THUMPD3: variants seen among roughly 807,000 people sequenced by gnomAD.
THUMPD3 encodes the protein THUMP domain 3 tRNA guanosine methyltransferase, also known as tRNA (guanine(6)-N(2))-methyltransferase THUMP3.
A neutral mutation model predicts 54.5 loss-of-function variants in THUMPD3; 44 were observed. That is an observed-to-expected ratio of 0.81 (90% CI 0.63 to 1.04). The LOEUF (loss-of-function observed/expected upper bound fraction) is 1.04, where lower values mean the gene tolerates loss of function less well. Among genes scored for constraint, THUMPD3 ranks in the 50% least tolerant of loss-of-function variants. The pLI is 0.00. For missense variants in THUMPD3, 604 were observed against 601.3 expected, an observed-to-expected ratio of 1.00 and a Z score of -0.05; for synonymous variants, 196 against 201.4, an observed-to-expected ratio of 0.97 and a Z score of 0.23.
Position 9,371,518 on chromosome 3 carries a change from G to A in THUMPD3, c.789G>A (p.Met263Ile). 1 of 1,612,850 alleles carries A rather than the reference G, an allele frequency of 6.2e-7. No individual in the cohort carries two copies. The highest frequency in any genetic ancestry group is 1.1e-5 in the South Asian group (1 of 90,926). Residue 263 changes from methionine (M) to isoleucine (I), a missense_variant, in exon 4 of 10, where the codon ATG (methionine) becomes ATA (isoleucine). Coordinates refer to ENST00000452837, the MANE Select transcript of THUMPD3 (RefSeq NM_001114092.2). Reference protein sequence around the residue: ...VQDYFKWKADMTNFDVEVLLN... With the variant: ...VQDYFKWKADITNFDVEVLLN... ...ATTATTTTAAGTGGAAGGCCGACAT[G>A]ACCAACTTTGATGTGGAGGTAGGTA... is the stretch of plus-strand genomic sequence containing the variant.
At chr3:9,380,872 A>T (rs2032833635) in intron 7 of THUMPD3, 1 of 277,982 alleles carries the variant, frequency 3.6e-6, no homozygotes, top group Non-Finnish European at 6.7e-6. Context: ...TACATATTGG[A>T]AGAATATTTT....
intron 9 of THUMPD3, 25 bp downstream of exon 9, chr3:9,384,360 C>A: frequency 6.3e-7 from 1 of 1,599,944 alleles, no homozygotes; most frequent in African/African-American, 1.3e-5. Context: ...AGCTCAAAAT[C>A]GCAGCCTGTG....
At chr3:9,381,864 C>T (rs1183493268) in intron 7 of THUMPD3, among the ~76,000 whole-genome samples, 1 of 146,308 alleles carries the variant, frequency 6.8e-6, no homozygotes, top group African/African-American at 2.5e-5. Context: ...ACTGCAAGCT[C>T]CGCCTCCCGG....
rs2033317494 is a variant in THUMPD3 at position 9,386,172 on chromosome 3, T to G, written c.*1484T>G. The G allele has an allele frequency of 6.6e-6, 1 of 152,228 alleles. No homozygotes were observed. Among genetic ancestry groups the G allele is most frequent in the Non-Finnish European group, 1.5e-5 (1 of 68,040 alleles). The allele number at this position is 152,228 out of a possible 1,614,324, so 9.4% of individuals were successfully genotyped here. On this transcript the variant is annotated 3_prime_UTR_variant, in exon 10 of 10. Coordinates refer to ENST00000452837, the MANE Select transcript of THUMPD3 (RefSeq NM_001114092.2). The stretch of plus-strand genomic sequence containing the variant: ...TGATCTCCTACCCCACACTTCATAA[T>G]GAATGGGAAATAAGATGTTTATGAA...
intron 7 of THUMPD3, among the ~76,000 whole-genome samples, chr3:9,381,946 ATTTT>A (rs902695822): frequency 2.6e-4 from 37 of 143,288 alleles, no homozygotes; most frequent in African/African-American, 8.2e-4. Flanking sequence ...TGCCCGGCTT[ATTTT>A]TTTTTTGTAT....
Position 9,378,746 on chromosome 3 carries a change from A to C in THUMPD3, c.1008+858A>C, listed in dbSNP as rs560898034. Among the ~76,000 whole-genome samples the C allele has an allele frequency of 4.6e-5, 7 of 152,342 alleles. No individual in the cohort carries two copies. In the South Asian group the frequency reaches 1.4e-3, roughly 32 times the overall value. On this transcript the variant is annotated intron_variant, in intron 6 of 9. Coordinates refer to ENST00000452837, the MANE Select transcript of THUMPD3 (RefSeq NM_001114092.2). ...TAAAATCCAAGACTGAAATCATAGA[A>C]GTCTACATGTGACTGTGTTCCGTGA...
chr3:9,368,624 G>A (rs2031766800), intron 3 of THUMPD3, among the ~76,000 whole-genome samples: 1 of 152,194 alleles, frequency 6.6e-6, no homozygotes. Context: ...GCCTCTCAAA[G>A]TGCTGGGGTT....
chr3:9,384,627 CT>C lies in THUMPD3; in HGVS notation c.1467del (p.Phe489LeufsTer23). On this transcript the variant is annotated frameshift_variant, in exon 10 of 10. Transcript: ENST00000452837. LOFTEE classifies it high-confidence loss of function. ...TACGTTCTGATACGTACACCTCAAGCTTTTGTTCATCCTTCAGAACAAGACG... is the reference window on the plus strand; with the variant it reads ...TACGTTCTGATACGTACACCTCAAGCTTTGTTCATCCTTCAGAACAAGACG... ...AVYVLIRTPQ[A>X]FVHPSEQDGE... 1.9e-6 allele frequency: 3 copies of C among 1,614,154 alleles called. No individual in the cohort carries two copies. The highest frequency in any genetic ancestry group is 2.5e-6 in the Non-Finnish European group (3 of 1,180,036).
In THUMPD3 at chr3:9,385,643, ATT is replaced by A. The variant is rs1433913938; in HGVS notation, c.*956_*957del. The A allele has an allele frequency of 3.3e-5, 5 of 152,258 alleles. No individual in the cohort carries two copies. The East Asian group carries it at 9.6e-4, about 29-fold the overall frequency. 9.4% of individuals were successfully genotyped at this position (152,258 alleles called of 1,614,324 possible). ...GAACTTATTTGTAAATAGCACATAC[ATT>A]GATAGATGGGGTGTGGGACCAACAA... On this transcript the variant is annotated 3_prime_UTR_variant, in exon 10 of 10. Coordinates refer to ENST00000452837, the MANE Select transcript of THUMPD3 (RefSeq NM_001114092.2).
At chr3:9,382,432 T>C (rs1486328541) in intron 7 of THUMPD3, among the ~76,000 whole-genome samples, 3 of 152,168 alleles carry the variant, frequency 2.0e-5, no homozygotes, top group African/African-American at 7.2e-5. Flanking sequence ...TTCTTAGTCT[T>C]GTTTTATATA....
intron 3 of THUMPD3, 140 bp from the exon 4 acceptor site, chr3:9,370,920 C>A: frequency 1.5e-6 from 1 of 688,334 alleles, no homozygotes; most frequent in Non-Finnish European, 2.5e-6. Context: ...GACTTTTGAG[C>A]ATCTTTGGGT....
At chr3:9,377,717 GGC>G in intron 5 of THUMPD3, 100 bp from the exon 6 acceptor site, 1 of 857,476 alleles carries the variant, frequency 1.2e-6, no homozygotes, top group Non-Finnish European at 1.9e-6. Flanking sequence ...TGTTCCTTCG[GGC>G]TAGTGTGGTA....
chr3:9,371,303 G>C lies in THUMPD3; in HGVS notation c.574G>C (p.Ala192Pro). Residue 192 changes from alanine to proline, a missense_variant, in exon 4 of 10, where the codon GCC becomes CCC. Transcript: ENST00000452837. The stretch of plus-strand genomic sequence containing the variant: ...TATCTTAGATTATTATGAAAATCCA[G>C]CCATCAAAGAGGATGTATCAACATT... ...SHILDYYENP[A>P]IKEDVSTLIG... 4 of 1,614,056 alleles carry C rather than the reference G, an allele frequency of 2.5e-6. No homozygotes were observed. Among genetic ancestry groups the C allele is most frequent in the Non-Finnish European group, 3.4e-6 (4 of 1,180,004 alleles).
chr3:9,383,016 C>T (rs2033040270), intron 7 of THUMPD3, 183 bp from the exon 8 acceptor site: 1 of 480,736 alleles, frequency 2.1e-6, no homozygotes, highest in African/African-American at 1.9e-5. Context: ...CACAAGCTAC[C>T]ATGCCCAGCC....
Position 9,365,154 on chromosome 3 carries a change from A to G in THUMPD3, c.86A>G (p.Asp29Gly), listed in dbSNP as rs778663165. The change falls in exon 2 of 10, where the codon GAC becomes GGC. Residue 29 changes from aspartate to glycine, a missense_variant. Transcript: ENST00000452837. ...NQKSVQVTES[D>G]LGSESELLVT... Reference sequence around the variant, plus strand: ...AAGTCTGTACAAGTGACAGAAAGTGACCTCGGAAGTGAATCTGAGCTTCTA... The same window carrying G: ...AAGTCTGTACAAGTGACAGAAAGTGGCCTCGGAAGTGAATCTGAGCTTCTA... 1.2e-6 allele frequency: 2 copies of G among 1,614,056 alleles called. No individual in the cohort carries two copies. The highest frequency in any genetic ancestry group is 2.7e-5 in the African/African-American group (2 of 74,902).
At chr3:9,369,154 A>G (rs2031811880) in intron 3 of THUMPD3, among the ~76,000 whole-genome samples, 1 of 151,920 alleles carries the variant, frequency 6.6e-6, no homozygotes, top group Admixed American at 6.6e-5. Flanking sequence ...TACTAAAAAT[A>G]CAAAAATTAG....
chr3:9,374,441 G>A, intron 4 of THUMPD3, 75 bp from the exon 5 acceptor site: 4 of 1,561,374 alleles, frequency 2.6e-6, no homozygotes, highest in Non-Finnish European at 3.5e-6. Flanking sequence ...AACCGGCCCA[G>A]GTCAGAAAAG....
At position 9,371,365 on chromosome 3, in the gene THUMPD3, T is replaced by A. The variant is rs564107582; in HGVS notation, c.636T>A (p.Thr212=). Reference sequence around the variant, plus strand: ...ATTTGGCATCTTGCAAAGATGAGACTGATGAAAGCTCAAAAGAAGAAACTG... The same window carrying A: ...ATTTGGCATCTTGCAAAGATGAGACAGATGAAAGCTCAAAAGAAGAAACTG... ...GDDLASCKDE[T]DESSKEETEP... Residue 212 remains threonine (T), a synonymous_variant, in exon 4 of 10, where the codon ACT becomes ACA. Transcript: ENST00000452837. The A allele has an allele frequency of 6.2e-7, 1 of 1,614,194 alleles. No homozygotes were observed. The highest frequency in any genetic ancestry group is 8.5e-7 in the Non-Finnish European group (1 of 1,180,030).
chr3:9,364,150 C>G (rs975840171), intron 1 of THUMPD3: 12 of 151,864 alleles, frequency 7.9e-5, no homozygotes, highest in Non-Finnish European at 1.2e-4. Flanking sequence ...ATTGGCCTAA[C>G]CAGGTACTAC....
Sources: gnomAD v4.1 joint callset for allele counts (sites outside exome capture counted in the v4.1 genomes callset) on GRCh38, gnomAD v4.1.1 for gene constraint, MANE v1.5 for transcripts, NCBI Gene and HGNC (gene_info 2026-07-23, HGNC 2026-07-21) for gene names.